YTHDF2: variants seen among roughly 807,000 people sequenced by gnomAD.
YTHDF2 encodes YTH domain-containing family protein 2.
Under a neutral mutation model 50.4 loss-of-function variants are expected in YTHDF2, and 2 were observed. That is an observed-to-expected ratio of 0.04 (90% CI 0.02 to 0.12). The LOEUF is 0.12. Ranked by LOEUF, YTHDF2 falls within the 10% of genes least tolerant of loss-of-function variation. The pLI is 1.00. For synonymous variants in YTHDF2, 217 were observed against 255.6 expected (o/e 0.85, Z 1.44); for missense variants, 483 against 722.6 (o/e 0.67, Z 3.80).
At position 28,743,706 on chromosome 1, in the gene YTHDF2, A is replaced by C. The variant is rs2087814557; in HGVS notation, c.1436A>C (p.Tyr479Ser). The C allele has an allele frequency of 6.2e-7, 1 of 1,614,096 alleles. No homozygotes were observed. Residue 479 changes from tyrosine to serine, a missense_variant, in exon 4 of 5, where the codon TAC becomes TCC. By Grantham distance (144) the Tyr-to-Ser change is moderately radical. Around this residue, in one of 4 missense-constraint regions of YTHDF2, gnomAD observed 59 missense variants for 168.9 expected, o/e 0.35. Coordinates refer to ENST00000373812, the MANE Select transcript of YTHDF2 (RefSeq NM_016258.3). The surrounding 1 kb of genome is among the most constrained non-coding windows in gnomAD (Gnocchi z 6.9). ...GVAEMKSAVD[Y>S]NTCAGVWSQD... ...GCAGAAATGAAATCTGCTGTGGACT[A>C]CAACACATGTGCAGGTGTGTGGTCC...
rs778507135 is a variant in YTHDF2 at position 28,738,243 on chromosome 1, A to T, written c.53-16A>T. 3 of 1,587,140 alleles carry T rather than the reference A, an allele frequency of 1.9e-6. No individual in the cohort carries two copies. The highest frequency in any genetic ancestry group is 1.7e-5 in the Admixed American group (1 of 59,472). ...GTAGGATTGGGACACTCCTAATTGA[A>T]TTTTTTTTTCTTTAGTACAAAATGG... On this transcript the variant is annotated splice_polypyrimidine_tract_variant and intron_variant, in intron 2 of 4. Coordinates refer to ENST00000373812, the MANE Select transcript of YTHDF2 (RefSeq NM_016258.3).
chr1:28,748,552 A>G (rs868198157), intron 4 of YTHDF2, among the ~76,000 whole-genome samples: 15 of 152,334 alleles, frequency 9.8e-5, no homozygotes, highest in Middle Eastern at 6.8e-3. Context: ...AGCCACAGCC[A>G]TTTTTGCCTA....
At chr1:28,758,088 A>G (rs540096621) in intron 4 of YTHDF2, among the ~76,000 whole-genome samples, 6 of 152,302 alleles carry the variant, frequency 3.9e-5, no homozygotes, top group East Asian at 1.9e-4. Flanking sequence ...TTTTTAGGCC[A>G]TGCTATATCT....
At chr1:28,750,506 G>A (rs866432792) in intron 4 of YTHDF2, among the ~76,000 whole-genome samples, 1 of 152,146 alleles carries the variant, frequency 6.6e-6, no homozygotes, top group South Asian at 2.1e-4. Flanking sequence ...GAGAAACCAA[G>A]GGATAAAAGA....
rs1056522465 is a variant in YTHDF2 at position 28,768,849 on chromosome 1, G to A, written c.1717-80G>A. On this transcript the variant is annotated intron_variant, in intron 4 of 4. Coordinates refer to ENST00000373812, the MANE Select transcript of YTHDF2 (RefSeq NM_016258.3). ...TTCTAAATAATTAAATTTCTGTTGAGTTATTCTGTGAAGTTTTTAAATTCA... is the reference window on the plus strand; with the variant it reads ...TTCTAAATAATTAAATTTCTGTTGAATTATTCTGTGAAGTTTTTAAATTCA... The A allele has an allele frequency of 7.6e-6, 8 of 1,057,934 alleles. No individual in the cohort carries two copies. In the Admixed American group the frequency reaches 9.4e-5, roughly 12 times the overall value. 65.5% of individuals were successfully genotyped at this position (1,057,934 alleles called of 1,614,324 possible).
intron 4 of YTHDF2, among the ~76,000 whole-genome samples, chr1:28,744,642 T>C (rs1570465029): frequency 6.6e-6 from 1 of 152,108 alleles, no homozygotes; most frequent in South Asian, 2.1e-4. Flanking sequence ...ATAAAACTGG[T>C]TGGAGCAGAT....
rs560993837 is a variant in YTHDF2, at chr1:28,767,727, C to G, written c.1717-1202C>G. On this transcript the variant is annotated intron_variant, in intron 4 of 4. Coordinates refer to ENST00000373812, the MANE Select transcript of YTHDF2 (RefSeq NM_016258.3). ...GTTTCACCGTGTTAGCCGGGATGGT[C>G]TCGATCTCCTGACCTCGTGATCCGC... Among the ~76,000 whole-genome samples, 3 of 150,976 alleles carry G rather than the reference C, an allele frequency of 2.0e-5. No individual in the cohort carries two copies. In the South Asian group the frequency reaches 6.3e-4, roughly 32 times the overall value.
chr1:28,745,667 G>A (rs1197359572), intron 4 of YTHDF2, among the ~76,000 whole-genome samples: 1 of 150,600 alleles, frequency 6.6e-6, no homozygotes, highest in East Asian at 2.0e-4. Flanking sequence ...AGAGGTTGCG[G>A]TGAGCCGAGA....
At chr1:28,766,154 G>T (rs369109279) in intron 4 of YTHDF2, among the ~76,000 whole-genome samples, 3 of 152,248 alleles carry the variant, frequency 2.0e-5, no homozygotes, top group East Asian at 3.9e-4. Flanking sequence ...GCCTAGGCCA[G>T]AGTGCAGTGG....
At chr1:28,749,844 T>TA (rs2087922515) in intron 4 of YTHDF2, among the ~76,000 whole-genome samples, 1 of 151,988 alleles carries the variant, frequency 6.6e-6, no homozygotes, top group South Asian at 2.1e-4. Context: ...AGAGTTGAGT[T>TA]ACAGAGGAAG....
At chr1:28,738,923 T>C (rs1301206227) in intron 3 of YTHDF2, among the ~76,000 whole-genome samples, 1 of 152,254 alleles carries the variant, frequency 6.6e-6, no homozygotes, top group African/African-American at 2.4e-5. Flanking sequence ...AACGTAATAC[T>C]GATAACACTC....
rs549118209 is a variant in YTHDF2, at chr1:28,767,005, A to AT, written c.1717-1907dup. 7.1e-3 allele frequency among the ~76,000 whole-genome samples: 943 copies of AT among 131,904 alleles called. 7 individuals are homozygous for AT. Among genetic ancestry groups the AT allele is most frequent in the East Asian group, 9.4e-3 (43 of 4,580 alleles). The allele number at this position is 131,904 out of a possible 152,430, so 86.5% of individuals were successfully genotyped here. A position where few individuals can be genotyped will look rare whatever the true frequency, so the allele number is the denominator to read the frequency against. ...TGCCACCACCATGCCTAATTAAAAG[A>AT]TTTTTTTTTTTTTTTTTGTAGAGAC... is the stretch of plus-strand genomic sequence containing the variant. On this transcript the variant is annotated intron_variant, in intron 4 of 4. Coordinates refer to ENST00000373812, the MANE Select transcript of YTHDF2 (RefSeq NM_016258.3).
intron 4 of YTHDF2, among the ~76,000 whole-genome samples, chr1:28,744,494 T>C (rs969109395): frequency 6.6e-6 from 1 of 152,212 alleles, no homozygotes; most frequent in Non-Finnish European, 1.5e-5. Context: ...GAGTCACTTC[T>C]GATTTCCTCT....
intron 4 of YTHDF2, among the ~76,000 whole-genome samples, chr1:28,754,854 A>G (rs1176776831): frequency 6.6e-6 from 1 of 150,438 alleles, no homozygotes; most frequent in Admixed American, 6.7e-5. Context: ...CTATAGTCCT[A>G]TAGTCCCAGC....
intron 4 of YTHDF2, among the ~76,000 whole-genome samples, chr1:28,766,329 C>T (rs1172416930): frequency 1.3e-5 from 2 of 152,168 alleles, no homozygotes; most frequent in Non-Finnish European, 2.9e-5. Flanking sequence ...GTTGCCCAGG[C>T]TGGTCTTGAA....
chr1:28,761,127 G>GTC (rs1350271264), intron 4 of YTHDF2, among the ~76,000 whole-genome samples: 1 of 59,960 alleles, frequency 1.7e-5, no homozygotes, highest in Non-Finnish European at 3.2e-5. Context: ...GTGTGTGTGT[G>GTC]TGTATTTTTT....
intron 4 of YTHDF2, among the ~76,000 whole-genome samples, chr1:28,749,285 G>A (rs766495994): frequency 2.0e-5 from 3 of 148,630 alleles, no homozygotes; most frequent in African/African-American, 5.0e-5. Flanking sequence ...TCCGCCTCCC[G>A]GGTTCACGCC....
chr1:28,761,795 G>A (rs1233287428), intron 4 of YTHDF2, among the ~76,000 whole-genome samples: 1 of 152,128 alleles, frequency 6.6e-6, no homozygotes, highest in African/African-American at 2.4e-5. Context: ...GCTGGTCCCA[G>A]CCTCCCAAAG....
At chr1:28,748,500 T>C (rs2124179191) in intron 4 of YTHDF2, among the ~76,000 whole-genome samples, 1 of 152,310 alleles carries the variant, frequency 6.6e-6, no homozygotes, top group African/African-American at 2.4e-5. Context: ...TGTTTTAAAG[T>C]TCCATGATTG....
Sources: gnomAD v4.1 joint callset for allele counts (sites outside exome capture counted in the v4.1 genomes callset) on GRCh38, gnomAD v4.1.1 for gene constraint, gnomAD v4.1.1 regional missense constraint, Gnocchi (gnomAD v3.1) non-coding constraint, MANE v1.5 for transcripts, NCBI Gene and HGNC (gene_info 2026-07-23, HGNC 2026-07-21) for gene names.